GRM1: variants seen among roughly 807,000 people sequenced by gnomAD.
GRM1 encodes the protein metabotropic glutamate receptor 1.
A neutral mutation model predicts 90.9 loss-of-function variants in GRM1; 33 were observed. That is an observed-to-expected ratio of 0.36 (90% confidence interval 0.28 to 0.49). The LOEUF (loss-of-function observed/expected upper bound fraction) is 0.49, where lower values mean the gene tolerates loss of function less well. GRM1 is among the 20% of genes least tolerant of loss of function. GRM1 has a pLI of 0.99. For missense variants in GRM1, 1,190 were observed against 1,534.3 expected (o/e 0.78, Z 3.75); for synonymous variants, 700 against 613.2 (o/e 1.14, Z -2.09).
At chr6:146,154,954 T>C (rs922306640) in intron 1 of GRM1, among the ~76,000 whole-genome samples, 6 of 152,224 alleles carry the variant, frequency 3.9e-5, no homozygotes, top group Non-Finnish European at 8.8e-5. Flanking sequence ...TGTTCAGTGA[T>C]TTGTTTCATA....
At chr6:146,252,166 G>T (rs1047287540) in intron 2 of GRM1, among the ~76,000 whole-genome samples, 12 of 152,072 alleles carry the variant, frequency 7.9e-5, no homozygotes, top group African/African-American at 2.7e-4. Context: ...GTGAAAAAAG[G>T]CTAGAAAAGT....
chr6:146,292,064 C>T (rs1037278776), intron 2 of GRM1, among the ~76,000 whole-genome samples: 6 of 151,986 alleles, frequency 3.9e-5, no homozygotes, highest in African/African-American at 1.4e-4. Context: ...GAAAAATAGT[C>T]TCAACAAATA....
At chr6:146,263,346 G>A (rs1022667062) in intron 2 of GRM1, among the ~76,000 whole-genome samples, 1 of 151,958 alleles carries the variant, frequency 6.6e-6, no homozygotes, top group African/African-American at 2.4e-5. Context: ...TTATTAGTAT[G>A]ATTGCAGTTT....
intron 1 of GRM1, among the ~76,000 whole-genome samples, chr6:146,060,872 G>A (rs1199266699): frequency 6.6e-6 from 1 of 152,160 alleles, no homozygotes; most frequent in Non-Finnish European, 1.5e-5. Flanking sequence ...CAGCAGTAGT[G>A]TATAAGTGCT....
intron 1 of GRM1, among the ~76,000 whole-genome samples, chr6:146,118,664 TC>T (rs1775858398): frequency 6.6e-6 from 1 of 152,216 alleles, no homozygotes; most frequent in South Asian, 2.1e-4. Context: ...ATTGTTCAAT[TC>T]CCACCTATGA....
chr6:146,148,245 A>G (rs1319992448), intron 1 of GRM1, among the ~76,000 whole-genome samples: 3 of 152,168 alleles, frequency 2.0e-5, no homozygotes, highest in African/African-American at 7.2e-5. Context: ...TTAACAAATT[A>G]ATAAATGATT....
At chr6:146,178,510 A>G (rs1335292623) in intron 2 of GRM1, among the ~76,000 whole-genome samples, 1 of 152,150 alleles carries the variant, frequency 6.6e-6, no homozygotes, top group Non-Finnish European at 1.5e-5. Context: ...ACTTATACAC[A>G]TAGCATGAAG....
chr6:146,396,366 A>G (rs1212165499), intron 6 of GRM1, among the ~76,000 whole-genome samples: 2 of 152,206 alleles, frequency 1.3e-5, no homozygotes, highest in Non-Finnish European at 2.9e-5. Context: ...TCACTAAAAT[A>G]AAGTGATCTT....
At chr6:146,065,133 C>G (rs186670993) in intron 1 of GRM1, among the ~76,000 whole-genome samples, 1 of 152,274 alleles carries the variant, frequency 6.6e-6, no homozygotes, top group Non-Finnish European at 1.5e-5. Flanking sequence ...TAAACAACTA[C>G]TTTAAATGCA....
At chr6:146,207,176 A>G (rs1779524172) in intron 2 of GRM1, among the ~76,000 whole-genome samples, 1 of 152,180 alleles carries the variant, frequency 6.6e-6, no homozygotes, top group African/African-American at 2.4e-5. Flanking sequence ...GTATATACCC[A>G]GTAATGGGGT....
intron 1 of GRM1, among the ~76,000 whole-genome samples, chr6:146,064,128 G>A (rs1403020507): frequency 3.3e-5 from 5 of 152,080 alleles, no homozygotes; most frequent in Non-Finnish European, 5.9e-5. Context: ...TATATAATTC[G>A]AGGTAGATAA....
At chr6:146,158,531 A>C (rs1777600359) in intron 1 of GRM1, among the ~76,000 whole-genome samples, 1 of 152,158 alleles carries the variant, frequency 6.6e-6, no homozygotes, top group African/African-American at 2.4e-5. Context: ...GAGTTTGAGA[A>C]ATCGTGAGGG....
In GRM1 at chr6:146,398,855, G is replaced by A. The variant is rs1282895930; in HGVS notation, c.1816G>A (p.Val606Ile). The A allele has an allele frequency of 6.2e-7, 1 of 1,613,834 alleles. No individual in the cohort carries two copies. Among genetic ancestry groups the A allele is most frequent in the Non-Finnish European group, 8.5e-7 (1 of 1,179,782 alleles). Residue 606 changes from valine (V) to isoleucine (I), a missense_variant, in exon 7 of 8, where the codon GTT (valine) becomes ATT (isoleucine). By Grantham distance (29) the Val-to-Ile change is conservative. Around this residue, in one of 10 missense-constraint regions of GRM1, gnomAD observed 414 missense variants for 598.4 expected, o/e 0.69. Coordinates refer to ENST00000282753, the MANE Select transcript of GRM1 (RefSeq NM_001278064.2). ...CGCCTTTTCATGCCTGGGAATCCTTGTTACCTTGTTTGTCACCCTAATCTT... is the reference window on the plus strand; with the variant it reads ...CGCCTTTTCATGCCTGGGAATCCTTATTACCTTGTTTGTCACCCTAATCTT... The part of the protein sequence containing the change: ...AIAFSCLGIL[V>I]TLFVTLIFVL...
intron 2 of GRM1, among the ~76,000 whole-genome samples, chr6:146,174,198 C>T (rs567389323): frequency 6.6e-6 from 1 of 152,102 alleles, no homozygotes; most frequent in African/African-American, 2.4e-5. Flanking sequence ...GTTAAATTTT[C>T]CCTACACAGG....
intron 1 of GRM1, among the ~76,000 whole-genome samples, chr6:146,093,779 A>T (rs1776789707): frequency 6.6e-6 from 1 of 151,844 alleles, no homozygotes. Flanking sequence ...ACAAAGAGCC[A>T]CTCTCCTTAG....
At chr6:146,143,321 T>C (rs1354874358) in intron 1 of GRM1, among the ~76,000 whole-genome samples, 1 of 152,140 alleles carries the variant, frequency 6.6e-6, no homozygotes, top group Non-Finnish European at 1.5e-5. Flanking sequence ...ATATATAAAA[T>C]GTGGGGTTAA....
chr6:146,345,232 T>G (rs912144503), intron 3 of GRM1, among the ~76,000 whole-genome samples: 1 of 152,218 alleles, frequency 6.6e-6, no homozygotes, highest in Non-Finnish European at 1.5e-5. Context: ...TTCCATTTCA[T>G]CTACTTGGCA....
rs1790648990 is a variant in GRM1, at chr6:146,029,948, G to C, written c.431G>C (p.Gly144Ala). The change falls in exon 1 of 8, where the codon GGC becomes GCC. Residue 144 changes from glycine to alanine, a missense_variant. Physicochemically the swap from Gly to Ala is moderately conservative, Grantham distance 60. Transcript: ENST00000282753. Reference protein sequence around the residue: ...KDGINRCLPDGQSLPPGRTKK... With the variant: ...KDGINRCLPDAQSLPPGRTKK... Reference sequence around the variant, plus strand: ...GGGATCAACCGGTGTCTGCCTGACGGCCAGTCCCTCCCCCCAGGCAGGACT... The same window carrying C: ...GGGATCAACCGGTGTCTGCCTGACGCCCAGTCCCTCCCCCCAGGCAGGACT... 1.9e-6 allele frequency: 3 copies of C among 1,613,934 alleles called. No individual in the cohort carries two copies. In the South Asian group the frequency reaches 3.3e-5, roughly 18 times the overall value.
Position 146,388,280 on chromosome 6 carries a change from T to C in GRM1, c.1729+1264T>C, listed in dbSNP as rs187659582. 5.9e-5 allele frequency among the ~76,000 whole-genome samples: 9 copies of C among 151,864 alleles called. No homozygotes were observed. In the East Asian group the frequency reaches 1.6e-3, roughly 26 times the overall value. ...AGTTGTATGGCCAAAGTCAGGAAAATAGTGAGAAGCAGAACCTAGTCCACT... is the reference window on the plus strand; with the variant it reads ...AGTTGTATGGCCAAAGTCAGGAAAACAGTGAGAAGCAGAACCTAGTCCACT... On this transcript the variant is annotated intron_variant, in intron 6 of 7. Transcript: ENST00000282753.
Sources: allele counts gnomAD v4.1 joint callset (sites outside exome capture counted in the v4.1 genomes callset), GRCh38; gene constraint gnomAD v4.1.1; regional missense constraint gnomAD v4.1.1; transcripts MANE v1.5; gene names NCBI Gene and HGNC (gene_info 2026-07-23, HGNC 2026-07-21).